The following RNF34 variants were observed in gnomAD, a reference collection of about 807,000 sequenced individuals.
RNF34 encodes E3 ubiquitin-protein ligase RNF34.
A neutral mutation model predicts 37.9 loss-of-function variants in RNF34; 12 were observed. That is an observed-to-expected ratio of 0.32 (90% CI 0.20 to 0.51). The LOEUF (loss-of-function observed/expected upper bound fraction) is 0.51. Among genes scored for constraint, RNF34 ranks in the 20% least tolerant of loss-of-function variants. The pLI is 0.97. For missense variants in RNF34, 362 were observed against 472.7 expected, an observed-to-expected ratio of 0.77 and a Z score of 2.17; for synonymous variants, 155 against 177.2, an observed-to-expected ratio of 0.87 and a Z score of 1.00.
rs571159394 is a variant in RNF34, at chr12:121,402,438, TTTGG to T, written c.6+2223_6+2226del. 3.2e-3 allele frequency among the ~76,000 whole-genome samples: 483 copies of T among 151,874 alleles called. 5 individuals are homozygous for T. Among genetic ancestry groups the T allele is most frequent in the African/African-American group, 0.011 (459 of 41,420 alleles). On this transcript the variant is annotated intron_variant, in intron 1 of 5. Transcript: ENST00000361234. The stretch of plus-strand genomic sequence containing the variant: ...GGTATTTACTTTCTCCCTTTGGCGT[TTTGG>T]TTTGGTTTGGTTTGGTTTGGTTTAG...
rs11615530 is a variant in RNF34 at position 121,401,872 on chromosome 12, G to A, written c.6+1654G>A. Among the ~76,000 whole-genome samples the A allele has an allele frequency of 2.7e-3, 418 of 152,298 alleles. 3 individuals are homozygous for A. The highest frequency in any genetic ancestry group is 5.4e-3 in the Admixed American group (83 of 15,302). The stretch of plus-strand genomic sequence containing the variant: ...ATACGTATTTTCAGAAGCAAAATAT[G>A]GACCTGAATAGACATCAGCCTGTGC... On this transcript the variant is annotated intron_variant, in intron 1 of 5. Coordinates refer to ENST00000361234, the MANE Select transcript of RNF34 (RefSeq NM_025126.4).
chr12:121,420,339 G>A lies in RNF34; in HGVS notation c.726+5G>A. On this transcript the variant is annotated splice_donor_5th_base_variant and intron_variant, in intron 4 of 5. Transcript: ENST00000361234. ...GAAGAAAACGCAGAGGATCGGGTGA[G>A]GCCACCTATAAAATTTGGTTTCCCT... 2 of 1,558,570 alleles carry A rather than the reference G, an allele frequency of 1.3e-6. No individual in the cohort carries two copies. The highest frequency in any genetic ancestry group is 1.7e-6 in the Non-Finnish European group (2 of 1,150,594).
chr12:121,416,274 T>A lies in RNF34; in HGVS notation c.122T>A (p.Phe41Tyr), dbSNP rs782402058. Residue 41 changes from phenylalanine to tyrosine, a missense_variant, in exon 2 of 6, where the codon TTT becomes TAT. Coordinates refer to ENST00000361234, the MANE Select transcript of RNF34 (RefSeq NM_025126.4). ...AFAGATGPFR[F>Y]TPNPEFSTYP... is the part of the protein sequence containing the mutation. Reference sequence around the variant, plus strand: ...GCAGGAGCCACCGGTCCATTCAGATTTACACCAAACCCTGAGTTTTCCACC... The same window carrying A: ...GCAGGAGCCACCGGTCCATTCAGATATACACCAAACCCTGAGTTTTCCACC... 1.9e-6 allele frequency: 3 copies of A among 1,614,058 alleles called. No homozygotes were observed. The South Asian group carries it at 3.3e-5, about 18-fold the overall frequency.
At chr12:121,419,388 T>C (rs1360159521) in intron 3 of RNF34, among the ~76,000 whole-genome samples, 4 of 152,190 alleles carry the variant, frequency 2.6e-5, no homozygotes, top group African/African-American at 9.7e-5. Flanking sequence ...CTCCTAGTCG[T>C]CAAGCAACAC....
intron 1 of RNF34, among the ~76,000 whole-genome samples, chr12:121,413,274 T>G (rs1233105371): frequency 1.3e-5 from 2 of 148,642 alleles, no homozygotes; most frequent in Non-Finnish European, 3.0e-5. Flanking sequence ...AGATCCACCT[T>G]CCTTGGCCTC....
chr12:121,409,956 G>T (rs1566227290), intron 1 of RNF34, among the ~76,000 whole-genome samples: 1 of 152,004 alleles, frequency 6.6e-6, no homozygotes, highest in Non-Finnish European at 1.5e-5. Context: ...AGGAGTTCGA[G>T]ACCAGCCTGA....
chr12:121,409,796 T>G (rs898404805), intron 1 of RNF34: 3 of 152,222 alleles, frequency 2.0e-5, no homozygotes, highest in Admixed American at 2.0e-4. Context: ...CTAAAACACC[T>G]GTTTCACTGA....
chr12:121,410,108 C>A (rs551632043), intron 1 of RNF34, among the ~76,000 whole-genome samples: 1 of 151,006 alleles, frequency 6.6e-6, no homozygotes, highest in South Asian at 2.1e-4. Flanking sequence ...GAGCCAAGAT[C>A]GTGCCATCGC....
chr12:121,412,093 G>A (rs1479456635), intron 1 of RNF34, among the ~76,000 whole-genome samples: 4 of 151,838 alleles, frequency 2.6e-5, no homozygotes, highest in South Asian at 4.2e-4. Flanking sequence ...ATGGAGTCTC[G>A]CTCTGTCACC....
chr12:121,401,157 G>T (rs77443157), intron 1 of RNF34, among the ~76,000 whole-genome samples: 1 of 152,006 alleles, frequency 6.6e-6, no homozygotes, highest in East Asian at 1.9e-4. Flanking sequence ...TACTATAGAA[G>T]ATTGAAAAAG....
chr12:121,405,067 C>T (rs1870394393), intron 1 of RNF34: 1 of 152,230 alleles, frequency 6.6e-6, no homozygotes, highest in Non-Finnish European at 1.5e-5. Context: ...TCCTTATAAC[C>T]TTATTGGCTG....
At chr12:121,414,943 A>T (rs1555281915) in intron 1 of RNF34, among the ~76,000 whole-genome samples, 1 of 152,174 alleles carries the variant, frequency 6.6e-6, no homozygotes, top group Non-Finnish European at 1.5e-5. Context: ...AAAACTACAA[A>T]AAATTAGCTG....
intron 1 of RNF34, among the ~76,000 whole-genome samples, chr12:121,403,414 CAAA>C (rs60900182): frequency 7.3e-6 from 1 of 136,702 alleles, no homozygotes; most frequent in Non-Finnish European, 1.6e-5. Context: ...AAAACCAAAA[CAAA>C]AAAAAAAAAG....
rs1365546112 is a variant in RNF34, at chr12:121,416,323, G to A, written c.171G>A (p.Gly57=). The change falls in exon 2 of 6, where the codon GGG becomes GGA. Residue 57 remains glycine, a synonymous_variant. Coordinates refer to ENST00000361234, the MANE Select transcript of RNF34 (RefSeq NM_025126.4). ...CCTACCCACCAGCAGCTACGGAAGG[G>A]CCCAACATAGTTTGTAAAGCCTGTG... ...FSTYPPAATE[G]PNIVCKACGL... is the part of the protein sequence containing the mutation. 3 of 1,614,004 alleles carry A rather than the reference G, an allele frequency of 1.9e-6. No homozygotes were observed. The highest frequency in any genetic ancestry group is 2.5e-6 in the Non-Finnish European group (3 of 1,180,022).
At chr12:121,414,549 G>A (rs1040201166) in intron 1 of RNF34, among the ~76,000 whole-genome samples, 2 of 152,166 alleles carry the variant, frequency 1.3e-5, no homozygotes, top group African/African-American at 2.4e-5. Flanking sequence ...CATTAGTTCT[G>A]GGCCATTTAG....
At chr12:121,418,760 G>A (rs555022639) in intron 3 of RNF34, 7 of 152,162 alleles carry the variant, frequency 4.6e-5, no homozygotes, top group East Asian at 3.9e-4. Flanking sequence ...TCACTCTGTT[G>A]CCCAGGCTAG....
chr12:121,416,012 T>C (rs1245171484), intron 1 of RNF34, 147 bp from the exon 2 acceptor site: 1 of 616,342 alleles, frequency 1.6e-6, no homozygotes, highest in African/African-American at 1.8e-5. Flanking sequence ...TCTTTCCAAA[T>C]GGCTTGAAAT....
chr12:121,415,447 C>CTGTCT, intron 1 of RNF34: 2 of 188,362 alleles, frequency 1.1e-5, no homozygotes, highest in Non-Finnish European at 1.2e-5. Context: ...ATGGTGAAAC[C>CTGTCT]CAATCTCTAC....
At chr12:121,421,787 G>C (rs182001879) in intron 5 of RNF34, among the ~76,000 whole-genome samples, 32 of 152,276 alleles carry the variant, frequency 2.1e-4, no homozygotes, top group Middle Eastern at 3.4e-3. Flanking sequence ...CACCATGCCT[G>C]ACCCTCAGTG....
Sources: allele counts gnomAD v4.1 joint callset (sites outside exome capture counted in the v4.1 genomes callset), GRCh38; gene constraint gnomAD v4.1.1; transcripts MANE v1.5; gene names NCBI Gene and HGNC (gene_info 2026-07-23, HGNC 2026-07-21).